The following EPDR1 variants were observed in gnomAD, a reference collection of about 807,000 sequenced individuals.
The protein encoded by EPDR1 is ependymin related 1.
EPDR1 carries 27 observed loss-of-function variants against 23.7 expected under a neutral mutation model. The ratio of observed to expected loss-of-function variants is 1.14; its 90% CI spans 0.84 to 1.57. The LOEUF (loss-of-function observed/expected upper bound fraction) is 1.57, where lower values mean the gene tolerates loss of function less well. EPDR1 is among the 40% of genes most tolerant of loss of function. The pLI is 0.00. For synonymous variants in EPDR1, 137 were observed against 118.2 expected (o/e 1.16, Z -1.03); for missense variants, 349 against 290.4 (o/e 1.20, Z -1.47).
In EPDR1 at chr7:37,922,458, A is replaced by G. The variant is rs1785725541; in HGVS notation, c.269+1250A>G. Among the ~76,000 whole-genome samples the G allele has an allele frequency of 2.0e-5, 3 of 152,356 alleles. No individual in the cohort carries two copies. In the South Asian group the frequency reaches 6.2e-4, roughly 32 times the overall value. On this transcript the variant is annotated intron_variant, in intron 1 of 2. Transcript: ENST00000199448. ...TTTTCAGTAGGGTCTTGAAGGGCAC[A>G]GTAATAATAATAACAACTAACAGTT...
At chr7:37,925,902 C>T (rs1010954763) in intron 1 of EPDR1, among the ~76,000 whole-genome samples, 12 of 152,148 alleles carry the variant, frequency 7.9e-5, no homozygotes, top group Admixed American at 3.3e-4. Flanking sequence ...TCAATCTGTC[C>T]CATTGTGTAG....
chr7:37,949,191 T>G (rs1786344750), intron 2 of EPDR1, 143 bp downstream of exon 2: 2 of 712,002 alleles, frequency 2.8e-6, no homozygotes, highest in Admixed American at 2.8e-5. Context: ...TGCAGGTTAC[T>G]TTGCTCACTA....
intron 1 of EPDR1, among the ~76,000 whole-genome samples, chr7:37,922,666 A>AGGGGG (rs67556012): frequency 6.7e-6 from 1 of 149,476 alleles, no homozygotes; most frequent in African/African-American, 2.5e-5. Context: ...TGAGGAAGCT[A>AGGGGG]GGGGGGGGTT....
chr7:37,928,701 C>T (rs933867428), intron 1 of EPDR1, among the ~76,000 whole-genome samples: 1 of 152,134 alleles, frequency 6.6e-6, no homozygotes, highest in African/African-American at 2.4e-5. Flanking sequence ...ACCTTATTTC[C>T]TCTCCTCAAG....
chr7:37,948,595 T>C (rs537242148), intron 1 of EPDR1, among the ~76,000 whole-genome samples: 1 of 152,146 alleles, frequency 6.6e-6, no homozygotes, highest in East Asian at 1.9e-4. Context: ...ACGTACTCCA[T>C]CCTCGGCCTC....
In EPDR1 at chr7:37,921,171, G is replaced by A. The variant is rs1785690077; in HGVS notation, c.232G>A (p.Val78Met). 6.3e-7 allele frequency: 1 copy of A among 1,593,518 alleles called. No individual in the cohort carries two copies. The highest frequency in any genetic ancestry group is 2.3e-5 in the East Asian group (1 of 44,132). The change falls in exon 1 of 3, where the codon GTG becomes ATG. Residue 78 changes from valine (V) to methionine (M), a missense_variant. Coordinates refer to ENST00000199448, the MANE Select transcript of EPDR1 (RefSeq NM_017549.5). ...SYDGLNQRVR[V>M]LDERKALIPC... is the part of the protein sequence containing the mutation. ...CGACGGGCTCAACCAGCGCGTGCGGGTGCTGGACGAGAGGAAGGCGCTGAT... is the reference window on the plus strand; with the variant it reads ...CGACGGGCTCAACCAGCGCGTGCGGATGCTGGACGAGAGGAAGGCGCTGAT...
chr7:37,932,195 C>T (rs148344911), intron 1 of EPDR1, among the ~76,000 whole-genome samples: 294 of 152,272 alleles, frequency 1.9e-3, no homozygotes, highest in African/African-American at 6.5e-3. Context: ...ATAATACCCT[C>T]TAAGTCACTG....
chr7:37,932,001 C>A (rs1330310277), intron 1 of EPDR1, among the ~76,000 whole-genome samples: 1 of 152,176 alleles, frequency 6.6e-6, no homozygotes, highest in East Asian at 1.9e-4. Context: ...AGCCACCGCG[C>A]CCGGTCGGGA....
At chr7:37,935,899 G>T (rs904238099) in intron 1 of EPDR1, among the ~76,000 whole-genome samples, 2 of 147,434 alleles carry the variant, frequency 1.4e-5, no homozygotes, top group Non-Finnish European at 3.0e-5. Flanking sequence ...AAAGGTAAAA[G>T]GTTTTATCTC....
intron 1 of EPDR1, among the ~76,000 whole-genome samples, chr7:37,936,644 T>A (rs1016453768): frequency 1.3e-5 from 2 of 151,940 alleles, no homozygotes; most frequent in African/African-American, 4.8e-5. Context: ...ACATGAAAAA[T>A]CAATAGTCTT....
At chr7:37,948,342 ATTTTTT>A (rs56967310) in intron 1 of EPDR1, among the ~76,000 whole-genome samples, 140 of 135,628 alleles carry the variant, frequency 1.0e-3, no homozygotes, top group African/African-American at 3.7e-3. Context: ...TTTGACCTCA[ATTTTTT>A]TTTTTTTTTT....
Position 37,920,917 on chromosome 7 carries a change from C to T in EPDR1, c.-23C>T. The T allele has an allele frequency of 1.2e-6, 2 of 1,610,570 alleles. No homozygotes were observed. The highest frequency in any genetic ancestry group is 1.7e-6 in the Non-Finnish European group (2 of 1,179,070). On this transcript the variant is annotated 5_prime_UTR_variant, in exon 1 of 3. Transcript: ENST00000199448. The stretch of plus-strand genomic sequence containing the variant: ...GCCCCCTTGGGCTTGGGCTTGCCCT[C>T]GGGCCGGGGAAGGCTGACCGCGATG...
intron 1 of EPDR1, among the ~76,000 whole-genome samples, chr7:37,932,348 G>A (rs112191015): frequency 0.041 from 6,251 of 152,000 alleles, 431 homozygotes; most frequent in African/African-American, 0.14. Flanking sequence ...TGTTGCCCAA[G>A]CTGGCCTCAA....
intron 1 of EPDR1, 163 bp downstream of exon 1, chr7:37,921,371 C>A: frequency 7.1e-7 from 1 of 1,403,986 alleles, no homozygotes; most frequent in Non-Finnish European, 9.2e-7. Flanking sequence ...ATAGCATGGT[C>A]CGGGACTGGG....
At chr7:37,947,146 A>G (rs1157654520) in intron 1 of EPDR1, among the ~76,000 whole-genome samples, 1 of 152,206 alleles carries the variant, frequency 6.6e-6, no homozygotes, top group African/African-American at 2.4e-5. Context: ...GGCTCCATTC[A>G]TGGCAAGTAC....
intron 1 of EPDR1, among the ~76,000 whole-genome samples, chr7:37,938,222 C>A (rs1786098365): frequency 6.6e-6 from 1 of 151,896 alleles, no homozygotes; most frequent in South Asian, 2.1e-4. Context: ...CATCTCCTTA[C>A]CTTGTGATCC....
At chr7:37,928,840 T>C (rs1785871471) in intron 1 of EPDR1, among the ~76,000 whole-genome samples, 2 of 152,212 alleles carry the variant, frequency 1.3e-5, no homozygotes, top group Admixed American at 6.5e-5. Context: ...ATACCTCTAC[T>C]GTTATTCTGG....
Position 37,921,018 on chromosome 7 carries a change from C to A in EPDR1, c.79C>A (p.Leu27Met), listed in dbSNP as rs987482671. 5.3e-6 allele frequency: 8 copies of A among 1,520,946 alleles called. No homozygotes were observed. Among genetic ancestry groups the A allele is most frequent in the Non-Finnish European group, 7.0e-6 (8 of 1,139,178 alleles). 94.2% of individuals were successfully genotyped at this position (1,520,946 alleles called of 1,614,324 possible). ...WLLGGLWAWTLCGLCSLGAVG... is the reference protein window; with the variant it reads ...WLLGGLWAWTMCGLCSLGAVG... ...GCTGGGCGGCCTCTGGGCCTGGACCCTGTGCGGCCTGTGCAGCCTGGGGGC... is the reference window on the plus strand; with the variant it reads ...GCTGGGCGGCCTCTGGGCCTGGACCATGTGCGGCCTGTGCAGCCTGGGGGC... Residue 27 changes from leucine to methionine, a missense_variant, in exon 1 of 3, where the codon CTG becomes ATG. Coordinates refer to ENST00000199448, the MANE Select transcript of EPDR1 (RefSeq NM_017549.5).
At chr7:37,930,529 T>A (rs933559720) in intron 1 of EPDR1, among the ~76,000 whole-genome samples, 1 of 152,170 alleles carries the variant, frequency 6.6e-6, no homozygotes, top group Non-Finnish European at 1.5e-5. Flanking sequence ...GTGTGGGAGT[T>A]CTTCTTCTCA....
Sources: allele counts gnomAD v4.1 joint callset (sites outside exome capture counted in the v4.1 genomes callset), GRCh38; gene constraint gnomAD v4.1.1; transcripts MANE v1.5; gene names NCBI Gene and HGNC (gene_info 2026-07-23, HGNC 2026-07-21).